PDE4D: variants seen among roughly 807,000 people sequenced by gnomAD.
PDE4D encodes the protein 3',5'-cyclic-AMP phosphodiesterase 4D.
PDE4D carries 24 observed loss-of-function variants against 87.4 expected under a neutral mutation model. The observed-to-expected ratio is 0.27, with a 90% confidence interval of 0.20 to 0.39. The LOEUF is 0.39. Ranked by LOEUF, PDE4D falls within the 10% of genes least tolerant of loss-of-function variation. PDE4D has a pLI of 1.00. For synonymous variants in PDE4D, 384 were observed against 383.2 expected, an observed-to-expected ratio of 1.00 and a Z score of -0.02; for missense variants, 714 against 1,041.0, an observed-to-expected ratio of 0.69 and a Z score of 4.32.
chr5:59,574,059 AAAATATATATATTTATATATATATTTAT>A (rs1822439835), intron 1 of PDE4D, among the ~76,000 whole-genome samples: 1 of 39,096 alleles, frequency 2.6e-5, no homozygotes, highest in African/African-American at 1.1e-4. Context: ...TTTATATATA[AAAATATATATATTTATATATATATTTAT>A]ATATATAAAT....
rs369119345 is a variant in PDE4D, at chr5:60,465,898, AAAGG to A, written c.-90+22040_-90+22043del. ...AGTGAAAGTGAAAAAAAAAAAAAGA[AAAGG>A]AAGAGCAAAATCAACTGCACCGAAC... is the stretch of plus-strand genomic sequence containing the variant. On this transcript the variant is annotated intron_variant, in intron 1 of 16. Coordinates refer to the PDE4D transcript ENST00000502484. Among the ~76,000 whole-genome samples, 25 of 152,218 alleles carry A rather than the reference AAAGG, an allele frequency of 1.6e-4. No individual in the cohort carries two copies. The East Asian group carries it at 4.8e-3, about 29-fold the overall frequency.
intron 1 of PDE4D, among the ~76,000 whole-genome samples, chr5:60,239,970 C>T (rs541041721): frequency 6.6e-6 from 1 of 152,048 alleles, no homozygotes; most frequent in Non-Finnish European, 1.5e-5. Flanking sequence ...ATAAGCAGAA[C>T]CCGAAGTCAT....
chr5:60,164,163 C>T (rs1230474742), intron 2 of PDE4D, among the ~76,000 whole-genome samples: 1 of 151,974 alleles, frequency 6.6e-6, no homozygotes, highest in African/African-American at 2.4e-5. Flanking sequence ...TTCTCAAACT[C>T]TCAATATGAT....
At chr5:60,289,548 A>T (rs897342855) in intron 1 of PDE4D, among the ~76,000 whole-genome samples, 3 of 152,192 alleles carry the variant, frequency 2.0e-5, no homozygotes, top group Non-Finnish European at 4.4e-5. Flanking sequence ...CCTGTAGAGG[A>T]GACTTCCCTA....
intron 3 of PDE4D, among the ~76,000 whole-genome samples, chr5:59,949,293 C>A (rs1342895183): frequency 6.6e-6 from 1 of 151,902 alleles, no homozygotes; most frequent in Admixed American, 6.6e-5. Flanking sequence ...ATTAGCCGGG[C>A]ATGGTGGCGG....
intron 1 of PDE4D, among the ~76,000 whole-genome samples, chr5:59,529,679 T>C (rs1813819501): frequency 6.6e-6 from 1 of 152,176 alleles, no homozygotes; most frequent in South Asian, 2.1e-4. Flanking sequence ...CTATTAAATA[T>C]TTAAAAATAT....
chr5:59,687,521 G>T (rs1287308617), intron 1 of PDE4D, among the ~76,000 whole-genome samples: 1 of 152,144 alleles, frequency 6.6e-6, no homozygotes, highest in African/African-American at 2.4e-5. Context: ...ACAAGCAAAT[G>T]CTGAGAGATT....
At chr5:59,394,890 G>C (rs1020588568) in intron 1 of PDE4D, among the ~76,000 whole-genome samples, 4 of 152,132 alleles carry the variant, frequency 2.6e-5, no homozygotes. Flanking sequence ...TGCACAAGCC[G>C]AAGCAGGGCG....
intron 1 of PDE4D, among the ~76,000 whole-genome samples, chr5:59,591,199 GAATT>G (rs1460211083): frequency 2.0e-5 from 3 of 152,254 alleles, no homozygotes; most frequent in East Asian, 1.9e-4. Flanking sequence ...TAGAAATACA[GAATT>G]AATACTTTCT....
At chr5:59,971,578 A>T (rs188492761) in intron 3 of PDE4D, among the ~76,000 whole-genome samples, 4 of 152,256 alleles carry the variant, frequency 2.6e-5, no homozygotes, top group Non-Finnish European at 5.9e-5. Flanking sequence ...TCAACAGTCA[A>T]AAGGGAATAA....
chr5:59,183,143 G>T (rs1431080928), intron 4 of PDE4D, among the ~76,000 whole-genome samples: 1 of 152,180 alleles, frequency 6.6e-6, no homozygotes, highest in Admixed American at 6.5e-5. Flanking sequence ...GCCGTGAATA[G>T]ATTGAATCCT....
intron 3 of PDE4D, among the ~76,000 whole-genome samples, chr5:59,950,553 TAGAC>T (rs1240203095): frequency 8.5e-5 from 13 of 152,096 alleles, no homozygotes; most frequent in Admixed American, 2.0e-4. Context: ...AATGGATGAA[TAGAC>T]AGATATACAG....
chr5:59,388,638 C>CACAA lies in PDE4D; in HGVS notation c.456-172671_456-172670insTTGT, dbSNP rs1434907612. Among the ~76,000 whole-genome samples, 4 of 151,852 alleles carry CACAA rather than the reference C, an allele frequency of 2.6e-5. No individual in the cohort carries two copies. In the East Asian group the frequency reaches 7.7e-4, roughly 29 times the overall value. On this transcript the variant is annotated intron_variant, in intron 1 of 14. Coordinates refer to ENST00000340635, the MANE Select transcript of PDE4D (RefSeq NM_001104631.2). ...AAAGAAAATGTGGTACACACACACA[C>CACAA]ACACACACACTCACACACTAGAATT...
At chr5:59,406,021 G>A (rs1791544274) in intron 1 of PDE4D, among the ~76,000 whole-genome samples, 1 of 152,156 alleles carries the variant, frequency 6.6e-6, no homozygotes, top group African/African-American at 2.4e-5. Context: ...GTCTGTTTCG[G>A]TATGAGGGTA....
intron 5 of PDE4D, among the ~76,000 whole-genome samples, chr5:59,095,353 A>G (rs553024927): frequency 6.6e-6 from 1 of 151,514 alleles, no homozygotes; most frequent in Non-Finnish European, 1.5e-5. Flanking sequence ...ATAACCAAAA[A>G]CTAAAAAGAT....
chr5:59,588,168 TA>T (rs1268134052), intron 1 of PDE4D, among the ~76,000 whole-genome samples: 2 of 152,094 alleles, frequency 1.3e-5, no homozygotes, highest in East Asian at 3.9e-4. Context: ...CTTGTTTGAT[TA>T]GGGGGTGTGT....
At chr5:59,404,847 T>C (rs1172881514) in intron 1 of PDE4D, among the ~76,000 whole-genome samples, 3 of 152,212 alleles carry the variant, frequency 2.0e-5, no homozygotes, top group African/African-American at 7.2e-5. Context: ...TATCCAGTTT[T>C]CCCAGAACCA....
chr5:58,976,307 G>T (rs750374607), intron 13 of PDE4D, 43 bp downstream of exon 13: 43 of 1,601,730 alleles, frequency 2.7e-5, no homozygotes, highest in Admixed American at 1.5e-4. Context: ...GTGCACATGT[G>T]CACAGACACA....
intron 5 of PDE4D, among the ~76,000 whole-genome samples, chr5:59,132,575 GT>G (rs1776439043): frequency 6.6e-6 from 1 of 152,158 alleles, no homozygotes; most frequent in African/African-American, 2.4e-5. Context: ...TTCAGGTACA[GT>G]TTTAAAAATG....
Sources: gnomAD v4.1 joint callset for allele counts (sites outside exome capture counted in the v4.1 genomes callset) on GRCh38, gnomAD v4.1.1 for gene constraint, MANE v1.5 for transcripts, NCBI Gene and HGNC (gene_info 2026-07-23, HGNC 2026-07-21) for gene names.